PCDH11X: variants seen among roughly 807,000 people sequenced by gnomAD.
The protein encoded by PCDH11X is protocadherin-11 X-linked.
PCDH11X carries 18 observed loss-of-function variants against 53.3 expected under a neutral mutation model. The observed-to-expected ratio is 0.34, with a 90% confidence interval of 0.23 to 0.50. PCDH11X has a LOEUF of 0.50. Among genes scored for constraint, PCDH11X ranks in the 20% least tolerant of loss-of-function variants. The probability of loss-of-function intolerance (pLI) is 0.98; values close to 1 mark genes in which losing one functional copy is unlikely to be tolerated. For missense variants in PCDH11X, 570 were observed against 1,032.4 expected, an observed-to-expected ratio of 0.55 and a Z score of 6.14; for synonymous variants, 279 against 393.3, an observed-to-expected ratio of 0.71 and a Z score of 3.44.
At chrX:91,951,138 C>A (rs917140270) in intron 6 of PCDH11X, among the ~76,000 whole-genome samples, 2 of 111,177 alleles carry the variant, frequency 1.8e-5, no homozygotes, top group South Asian at 7.4e-4. Flanking sequence ...TCTCTCAGGA[C>A]GCTGTGTTAA....
intron 7 of PCDH11X, among the ~76,000 whole-genome samples, chrX:92,204,856 T>C (rs1220445409): frequency 1.8e-5 from 2 of 111,825 alleles, no homozygotes; most frequent in Non-Finnish European, 3.8e-5. Flanking sequence ...ATAATCATGG[T>C]GGAAGCCACC....
intron 1 of PCDH11X, among the ~76,000 whole-genome samples, chrX:91,792,007 G>A (rs2147522612): frequency 9.2e-6 from 1 of 109,081 alleles, no homozygotes; most frequent in South Asian, 4.0e-4. Flanking sequence ...GACTACAGGC[G>A]CCCGCCACCG....
chrX:92,002,082 G>A (rs1055492375), intron 6 of PCDH11X, among the ~76,000 whole-genome samples: 8 of 103,779 alleles, frequency 7.7e-5, no homozygotes, highest in African/African-American at 2.8e-4. Context: ...TTGGTATATG[G>A]CAAGAGATAG....
At chrX:92,569,982 C>T (rs1200253855) in intron 10 of PCDH11X, among the ~76,000 whole-genome samples, 1 of 91,947 alleles carries the variant, frequency 1.1e-5, no homozygotes, top group African/African-American at 4.3e-5. Context: ...CACCATTGTA[C>T]TCCAGCCTGG....
chrX:92,001,128 T>C (rs1427157937), intron 6 of PCDH11X, among the ~76,000 whole-genome samples: 1 of 110,182 alleles, frequency 9.1e-6, no homozygotes, highest in East Asian at 2.8e-4. Context: ...GATAGCACAA[T>C]TTTTAGTTTT....
intron 8 of PCDH11X, among the ~76,000 whole-genome samples, chrX:92,360,471 C>T (rs1317839158): frequency 9.1e-6 from 1 of 110,133 alleles, no homozygotes; most frequent in African/African-American, 3.3e-5. Context: ...TTGGTCCTAT[C>T]TAAATTTGAT....
intron 9 of PCDH11X, among the ~76,000 whole-genome samples, chrX:92,415,926 A>G (rs180921099): frequency 8.9e-6 from 1 of 112,074 alleles, no homozygotes; most frequent in East Asian, 2.8e-4. Context: ...TTATATTATT[A>G]GGAAATAAAA....
At position 92,424,226 on chromosome X, in the gene PCDH11X, G is replaced by C. The variant is rs184909385; in HGVS notation, c.3343+36293G>C. Reference sequence around the variant, plus strand: ...CCTTGAGAATCTCTCATATTTTCCTGAGTGTTTTTATGTTAAATGTTATAT... The same window carrying C: ...CCTTGAGAATCTCTCATATTTTCCTCAGTGTTTTTATGTTAAATGTTATAT... On this transcript the variant is annotated intron_variant, in intron 9 of 10. Coordinates refer to ENST00000682573, the MANE Select transcript of PCDH11X (RefSeq NM_032968.5). Among the ~76,000 whole-genome samples, 182 of 87,028 alleles carry C rather than the reference G, an allele frequency of 2.1e-3. 6 individuals are homozygous for C. The highest frequency in any genetic ancestry group is 6.2e-3 in the African/African-American group (172 of 27,537). 75.6% of individuals were successfully genotyped at this position (87,028 alleles called of 115,157 possible).
chrX:92,364,453 G>A (rs1045151381), intron 8 of PCDH11X, among the ~76,000 whole-genome samples: 1 of 110,708 alleles, frequency 9.0e-6, no homozygotes, highest in Non-Finnish European at 1.9e-5. Flanking sequence ...CATTTGTATA[G>A]GGCACTAAAC....
At chrX:92,535,495 G>A (rs2074641616) in intron 10 of PCDH11X, among the ~76,000 whole-genome samples, 1 of 110,526 alleles carries the variant, frequency 9.0e-6, no homozygotes, top group African/African-American at 3.3e-5. Flanking sequence ...CATATAGAGG[G>A]GAAAAACAGA....
At chrX:92,282,608 T>A (rs1266613016) in intron 8 of PCDH11X, among the ~76,000 whole-genome samples, 1 of 111,747 alleles carries the variant, frequency 8.9e-6, no homozygotes, top group Admixed American at 9.5e-5. Context: ...TATGCTAAAA[T>A]AAAATAGCAT....
At chrX:91,946,198 G>A (rs972266637) in intron 6 of PCDH11X, among the ~76,000 whole-genome samples, 9 of 109,010 alleles carry the variant, frequency 8.3e-5, no homozygotes, top group African/African-American at 3.0e-4. Flanking sequence ...AGATAAGGAA[G>A]AACAAGTGAG....
At chrX:92,327,806 G>T (rs753574206) in intron 8 of PCDH11X, among the ~76,000 whole-genome samples, 1 of 97,773 alleles carries the variant, frequency 1.0e-5, no homozygotes, top group South Asian at 5.6e-4. Context: ...CAATTAAGAT[G>T]CAAAAAAAGA....
chrX:92,388,318 A>C (rs2071055347), intron 9 of PCDH11X, among the ~76,000 whole-genome samples: 1 of 110,459 alleles, frequency 9.1e-6, no homozygotes, highest in African/African-American at 3.3e-5. Context: ...TTTTTAGTAG[A>C]GATAAAAACC....
intron 7 of PCDH11X, among the ~76,000 whole-genome samples, chrX:92,256,354 G>C (rs1010165256): frequency 1.8e-5 from 2 of 111,252 alleles, no homozygotes; most frequent in Non-Finnish European, 3.8e-5. Flanking sequence ...GCACTCCCTA[G>C]TGAGATGAAC....
Position 92,446,023 on chromosome X carries a change from A to C in PCDH11X, c.3344-22276A>C, listed in dbSNP as rs757852365. On this transcript the variant is annotated intron_variant, in intron 9 of 10. Transcript: ENST00000682573. ...TAAGTGAACTCCTTAATTTAACCTC[A>C]TATTATTGGTTTTGTGTCATGTCTC... is the stretch of plus-strand genomic sequence containing the variant. Among the ~76,000 whole-genome samples, 21 of 110,490 alleles carry C rather than the reference A, an allele frequency of 1.9e-4. No individual in the cohort carries two copies. The South Asian group carries it at 6.6e-3, about 35-fold the overall frequency.
chrX:92,424,675 A>C (rs929815043), intron 9 of PCDH11X, among the ~76,000 whole-genome samples: 1 of 97,644 alleles, frequency 1.0e-5, no homozygotes, highest in Non-Finnish European at 2.3e-5. Context: ...GGGAGCTTAC[A>C]TTATGGACAA....
At chrX:92,091,169 T>C (rs1484403136) in intron 6 of PCDH11X, among the ~76,000 whole-genome samples, 1 of 111,526 alleles carries the variant, frequency 9.0e-6, no homozygotes, top group African/African-American at 3.3e-5. Context: ...TTCCTTTCTT[T>C]TATGATTTAT....
intron 6 of PCDH11X, among the ~76,000 whole-genome samples, chrX:91,907,412 C>CACACACACACACACACAG (rs756926383): frequency 1.7e-5 from 1 of 57,469 alleles, no homozygotes; most frequent in Non-Finnish European, 3.1e-5. Context: ...CACACACACA[C>CACACACACACACACACAG]AGAGAGAGAG....
Sources: allele counts gnomAD v4.1 joint callset (sites outside exome capture counted in the v4.1 genomes callset), GRCh38; gene constraint gnomAD v4.1.1; transcripts MANE v1.5; gene names NCBI Gene and HGNC (gene_info 2026-07-23, HGNC 2026-07-21).